LRRC4C: variants seen among roughly 807,000 people sequenced by gnomAD.
The protein encoded by LRRC4C is leucine rich repeat containing 4C, also known as leucine-rich repeat-containing protein 4C.
In LRRC4C, 5 loss-of-function variants were observed where a neutral mutation model predicts 33.6. The ratio of observed to expected loss-of-function variants is 0.15; its 90% confidence interval spans 0.08 to 0.31. LRRC4C has a LOEUF of 0.31. Among genes scored for constraint, LRRC4C ranks in the 10% least tolerant of loss-of-function variants. The pLI is 1.00. For synonymous variants in LRRC4C, 329 were observed against 302.0 expected, an observed-to-expected ratio of 1.09 and a Z score of -0.93; for missense variants, 560 against 796.7, an observed-to-expected ratio of 0.70 and a Z score of 3.58.
intron 3 of LRRC4C, among the ~76,000 whole-genome samples, chr11:40,455,742 C>A (rs1349001214): frequency 6.6e-6 from 1 of 152,144 alleles, no homozygotes; most frequent in Non-Finnish European, 1.5e-5. Flanking sequence ...TGTCCCTTTG[C>A]AACTCTTTAT....
At chr11:40,642,822 C>A (rs1168479204) in intron 3 of LRRC4C, among the ~76,000 whole-genome samples, 1 of 152,056 alleles carries the variant, frequency 6.6e-6, no homozygotes, top group Non-Finnish European at 1.5e-5. Flanking sequence ...GTTATTTTTT[C>A]TTTTTGTAAA....
chr11:40,770,704 C>T (rs775820060), intron 2 of LRRC4C, among the ~76,000 whole-genome samples: 1 of 152,168 alleles, frequency 6.6e-6, no homozygotes, highest in African/African-American at 2.4e-5. Context: ...TGGATCAATG[C>T]ACCCATTCCA....
chr11:41,195,582 C>A (rs1946146372), intron 1 of LRRC4C, among the ~76,000 whole-genome samples: 1 of 151,914 alleles, frequency 6.6e-6, no homozygotes, highest in Non-Finnish European at 1.5e-5. Flanking sequence ...TACAGTCCAC[C>A]AATAGCAAGC....
intron 1 of LRRC4C, among the ~76,000 whole-genome samples, chr11:41,338,052 T>A (rs62322380): frequency 1.3e-5 from 2 of 152,208 alleles, no homozygotes; most frequent in African/African-American, 4.8e-5. Context: ...CTGTTGAGGC[T>A]GTGGAGAAAT....
intron 3 of LRRC4C, among the ~76,000 whole-genome samples, chr11:40,350,589 C>T (rs1372233857): frequency 6.6e-6 from 1 of 151,830 alleles, no homozygotes; most frequent in African/African-American, 2.4e-5. Context: ...TTTTGTGTTT[C>T]CATATAAATT....
chr11:41,426,992 A>G (rs186713827), intron 1 of LRRC4C, among the ~76,000 whole-genome samples: 1 of 152,294 alleles, frequency 6.6e-6, no homozygotes, highest in Admixed American at 6.5e-5. Flanking sequence ...ATTCTACTGC[A>G]GTTGTTTAGT....
At chr11:40,431,238 C>A (rs1950920175) in intron 3 of LRRC4C, among the ~76,000 whole-genome samples, 1 of 150,968 alleles carries the variant, frequency 6.6e-6, no homozygotes, top group Admixed American at 6.6e-5. Context: ...ACCAGCCTGG[C>A]TAACATGGTG....
intron 2 of LRRC4C, among the ~76,000 whole-genome samples, chr11:40,876,268 T>G (rs1249222171): frequency 1.3e-5 from 2 of 148,162 alleles, no homozygotes; most frequent in African/African-American, 5.0e-5. Flanking sequence ...GGGTTTTTTT[T>G]TTTTTTTTTT....
intron 3 of LRRC4C, among the ~76,000 whole-genome samples, chr11:40,531,753 C>A (rs891114728): frequency 2.6e-5 from 4 of 151,770 alleles, no homozygotes; most frequent in African/African-American, 9.7e-5. Flanking sequence ...GCTTTGTCAG[C>A]TGAATCATCT....
At chr11:40,741,455 C>G (rs1948154740) in intron 2 of LRRC4C, among the ~76,000 whole-genome samples, 1 of 151,954 alleles carries the variant, frequency 6.6e-6, no homozygotes, top group African/African-American at 2.4e-5. Context: ...GGGACAACTA[C>G]CCCATAATGC....
chr11:41,290,537 A>C (rs1178567173), intron 1 of LRRC4C, among the ~76,000 whole-genome samples: 1 of 152,180 alleles, frequency 6.6e-6, no homozygotes, highest in Non-Finnish European at 1.5e-5. Context: ...TACTATTCAC[A>C]CGGAGGCAAA....
chr11:41,278,093 G>A (rs1022456012), intron 1 of LRRC4C, among the ~76,000 whole-genome samples: 1 of 152,022 alleles, frequency 6.6e-6, no homozygotes, highest in African/African-American at 2.4e-5. Flanking sequence ...CAGTTAGATA[G>A]GAGTAAGTTC....
chr11:41,286,785 G>C (rs1949842981), intron 1 of LRRC4C, among the ~76,000 whole-genome samples: 1 of 152,028 alleles, frequency 6.6e-6, no homozygotes, highest in Non-Finnish European at 1.5e-5. Flanking sequence ...AGGAGAGGGA[G>C]GAAGCAGAAG....
chr11:41,348,390 T>TAACAA (rs1555153574), intron 1 of LRRC4C, among the ~76,000 whole-genome samples: 2 of 151,720 alleles, frequency 1.3e-5, no homozygotes, highest in African/African-American at 4.9e-5. Context: ...ATTTAAAAAA[T>TAACAA]AATAAAATAA....
At chr11:40,152,911 A>T (rs1858346371) in intron 5 of LRRC4C, among the ~76,000 whole-genome samples, 1 of 152,062 alleles carries the variant, frequency 6.6e-6, no homozygotes, top group Non-Finnish European at 1.5e-5. Flanking sequence ...GGCCCTGTCC[A>T]CTACCTGTCC....
chr11:41,300,527 A>G (rs1440777740), intron 1 of LRRC4C, among the ~76,000 whole-genome samples: 1 of 152,118 alleles, frequency 6.6e-6, no homozygotes, highest in Non-Finnish European at 1.5e-5. Context: ...CCTCTCTTCA[A>G]TGATGTGGGA....
At chr11:40,657,836 C>A (rs1180342275) in intron 2 of LRRC4C, among the ~76,000 whole-genome samples, 1 of 152,206 alleles carries the variant, frequency 6.6e-6, no homozygotes, top group Non-Finnish European at 1.5e-5. Context: ...TAACTGAGAC[C>A]TGCCTCAAAT....
chr11:40,561,037 G>C (rs544936780), intron 3 of LRRC4C, among the ~76,000 whole-genome samples: 4 of 152,228 alleles, frequency 2.6e-5, no homozygotes, highest in African/African-American at 9.6e-5. Flanking sequence ...CATTAATGTA[G>C]TTTGACAGTT....
chr11:41,333,646 A>G (rs1385751461), intron 1 of LRRC4C, among the ~76,000 whole-genome samples: 1 of 152,214 alleles, frequency 6.6e-6, no homozygotes, highest in African/African-American at 2.4e-5. Flanking sequence ...GTGGCATTAA[A>G]GCAAGTGAGC....
Sources: allele counts gnomAD v4.1 joint callset (sites outside exome capture counted in the v4.1 genomes callset), GRCh38; gene constraint gnomAD v4.1.1; transcripts MANE v1.5; gene names NCBI Gene and HGNC (gene_info 2026-07-23, HGNC 2026-07-21).